The following VRK3 variants were observed in gnomAD, a reference collection of about 807,000 sequenced individuals.
VRK3 encodes the protein serine/threonine-protein kinase VRK3.
A neutral mutation model predicts 60.4 loss-of-function variants in VRK3; 50 were observed. The observed-to-expected ratio is 0.83, with a 90% CI of 0.66 to 1.05. The LOEUF is 1.05. Among genes scored for constraint, VRK3 ranks in the 50% least tolerant of loss-of-function variants. The pLI is 0.00. For missense variants in VRK3, 549 were observed against 585.3 expected, an observed-to-expected ratio of 0.94 and a Z score of 0.64; for synonymous variants, 246 against 227.8, an observed-to-expected ratio of 1.08 and a Z score of -0.72.
intron 12 of VRK3, chr19:49,988,135 G>A (rs939532389): frequency 1.2e-5 from 5 of 413,958 alleles, no homozygotes; most frequent in Admixed American, 7.4e-5. Context: ...GAGGCTCGCA[G>A]ACGTTAACAC....
chr19:49,986,109 G>A (rs900006883), intron 12 of VRK3, among the ~76,000 whole-genome samples: 1 of 152,226 alleles, frequency 6.6e-6, no homozygotes, highest in African/African-American at 2.4e-5. Context: ...CTTCTCTGAA[G>A]GAGGATGAAA....
At chr19:50,001,858 G>A (rs1270572505) in intron 5 of VRK3, among the ~76,000 whole-genome samples, 3 of 152,100 alleles carry the variant, frequency 2.0e-5, no homozygotes, top group South Asian at 2.1e-4. Flanking sequence ...GGCCTACCCC[G>A]AGACTGGCTG....
At position 50,007,602 on chromosome 19, in the gene VRK3, G is replaced by A. The variant is rs757482549; in HGVS notation, c.514C>T (p.Gln172Ter). 17 of 1,614,118 alleles carry A rather than the reference G, an allele frequency of 1.1e-5. No individual in the cohort carries two copies. In the Admixed American group the frequency reaches 2.2e-4, roughly 21 times the overall value. Residue 172 changes from glutamine to a stop codon, truncating the protein, a stop_gained, in exon 5 of 15, where the codon CAG becomes TAG. Coordinates refer to ENST00000316763, the MANE Select transcript of VRK3 (RefSeq NM_016440.4). LOFTEE classifies it high-confidence loss of function. ...AGAATGCCCTGGTTGTCCCTGGTCT[G>A]GAAGGACTTCAGCTTCCACTGTCGC... ...SGRQWKLKSFQTRDNQGILYE... is the reference protein window; with the variant it reads ...SGRQWKLKSF
intron 1 of VRK3, among the ~76,000 whole-genome samples, chr19:50,024,059 T>C (rs531784042): frequency 7.6e-4 from 116 of 152,280 alleles, no homozygotes; most frequent in African/African-American, 2.7e-3. Flanking sequence ...TGCCTCAACC[T>C]CCCGAGTAGC....
chr19:49,977,544 C>A (rs1402418614), intron 14 of VRK3, among the ~76,000 whole-genome samples: 2 of 152,130 alleles, frequency 1.3e-5, no homozygotes, highest in African/African-American at 2.4e-5. Context: ...CAGGATGAAG[C>A]CTCTGCCCTG....
chr19:49,995,056 A>C (rs2076677895), intron 8 of VRK3, 135 bp downstream of exon 8: 1 of 1,267,124 alleles, frequency 7.9e-7, no homozygotes, highest in African/African-American at 1.5e-5. Context: ...GCTGGGCAGC[A>C]AACTAGGTCA....
At chr19:49,981,718 T>C (rs2076425336) in intron 12 of VRK3, 1 of 1,001,280 alleles carries the variant, frequency 1.0e-6, no homozygotes, top group Non-Finnish European at 1.2e-6. Flanking sequence ...AAATAAAGAT[T>C]TTATTACTTA....
At chr19:49,980,118 A>T (rs1277179056) in intron 13 of VRK3, among the ~76,000 whole-genome samples, 2 of 152,198 alleles carry the variant, frequency 1.3e-5, no homozygotes, top group Non-Finnish European at 2.9e-5. Flanking sequence ...AGCCAGAGGG[A>T]ACAAGCTATC....
Position 50,000,874 on chromosome 19 carries a change from G to A in VRK3, c.548-20C>T, listed in dbSNP as rs1367276529. 4.3e-6 allele frequency: 7 copies of A among 1,612,242 alleles called. No individual in the cohort carries two copies. Among genetic ancestry groups the A allele is most frequent in the East Asian group, 2.2e-5 (1 of 44,828 alleles). ...GTGCAGCTGTGGGGGAACAAACAAGGGAGTGAGGTTATAACCACGCGGAAG... is the reference window on the plus strand; with the variant it reads ...GTGCAGCTGTGGGGGAACAAACAAGAGAGTGAGGTTATAACCACGCGGAAG... On this transcript the variant is annotated intron_variant, in intron 5 of 14. Transcript: ENST00000316763.
At chr19:49,995,772 G>A (rs2076691604) in intron 7 of VRK3, among the ~76,000 whole-genome samples, 1 of 151,880 alleles carries the variant, frequency 6.6e-6, no homozygotes, top group South Asian at 2.1e-4. Context: ...TTTTTGAGAC[G>A]AAGTTTTGCT....
chr19:50,014,324 C>T (rs1352074637), intron 3 of VRK3, among the ~76,000 whole-genome samples: 1 of 151,008 alleles, frequency 6.6e-6, no homozygotes, highest in African/African-American at 2.4e-5. Context: ...TTTGGGAGGC[C>T]GAGGCGGGTG....
chr19:50,016,081 C>T lies in VRK3; in HGVS notation c.82G>A (p.Val28Ile), dbSNP rs2304114. Reference protein sequence around the residue: ...FCPYCGNSLPVEEHVGSQTFV... With the variant: ...FCPYCGNSLPIEEHVGSQTFV... ...GTCTGGGACCCTACATGCTCCTCTA[C>T]AGGCAAAGAATTTCCACAGTAGGGG... is the stretch of plus-strand genomic sequence containing the variant. The change falls in exon 3 of 15, where the codon GTA becomes ATA. Residue 28 changes from valine to isoleucine, a missense_variant. Val to Ile is a conservative substitution (Grantham distance 29). Coordinates refer to ENST00000316763, the MANE Select transcript of VRK3 (RefSeq NM_016440.4). 15 of 1,614,108 alleles carry T rather than the reference C, an allele frequency of 9.3e-6. No homozygotes were observed. The East Asian group carries it at 1.8e-4, about 19-fold the overall frequency.
chr19:50,022,371 T>C (rs545295252), intron 1 of VRK3, among the ~76,000 whole-genome samples: 7 of 152,356 alleles, frequency 4.6e-5, no homozygotes, highest in African/African-American at 7.2e-5. Context: ...CTTGTGCTAC[T>C]GCAGCAGCCT....
chr19:50,006,058 G>T (rs973764627), intron 5 of VRK3, among the ~76,000 whole-genome samples: 2 of 148,336 alleles, frequency 1.3e-5, no homozygotes, highest in Admixed American at 6.6e-5. Context: ...GGCTGAGGTA[G>T]GTGGATCACT....
rs752273959 is a variant in VRK3 at position 50,016,152 on chromosome 19, A to G, written c.11T>C (p.Phe4Ser). ...GATACTTTTGCCACAGTCTGGACAG[A>G]AGGAGATCATGCTACAAAACAGAAT... MIS[F>S]CPDCGKSIQA... The change falls in exon 3 of 15, where the codon TTC becomes TCC. Residue 4 changes from phenylalanine to serine, a missense_variant. Coordinates refer to ENST00000316763, the MANE Select transcript of VRK3 (RefSeq NM_016440.4). 1 of 1,614,144 alleles carries G rather than the reference A, an allele frequency of 6.2e-7. No individual in the cohort carries two copies. Among genetic ancestry groups the G allele is most frequent in the Admixed American group, 1.7e-5 (1 of 60,016 alleles).
chr19:49,997,554 C>T lies in VRK3; in HGVS notation c.629G>A (p.Arg210His), dbSNP rs769410466. 1.4e-5 allele frequency: 22 copies of T among 1,613,720 alleles called. No individual in the cohort carries two copies. Among genetic ancestry groups the T allele is most frequent in the East Asian group, 2.2e-5 (1 of 44,866 alleles). The part of the protein sequence containing the change: ...FSLKLDAKDG[R>H]LFNEQNFFQR... ...GAAGAAGTTCTGCTCATTGAACAAGCGCCCATCCTTGGCATCCTGGTGGGG... is the reference window on the plus strand; with the variant it reads ...GAAGAAGTTCTGCTCATTGAACAAGTGCCCATCCTTGGCATCCTGGTGGGG... Residue 210 changes from arginine to histidine, a missense_variant, in exon 7 of 15, where the codon CGC becomes CAC. By Grantham distance (29) the Arg-to-His change is conservative. Transcript: ENST00000316763.
rs1205544930 is a variant in VRK3 at position 50,009,397 on chromosome 19, C to G, written c.140-12G>C. On this transcript the variant is annotated splice_polypyrimidine_tract_variant and intron_variant, in intron 3 of 14. Coordinates refer to ENST00000316763, the MANE Select transcript of VRK3 (RefSeq NM_016440.4). Reference sequence around the variant, plus strand: ...CCCTCTCTTTGAGCCTAAAGAAAGGCAGACAAAATGCAGACTGGAGTTACA... The same window carrying G: ...CCCTCTCTTTGAGCCTAAAGAAAGGGAGACAAAATGCAGACTGGAGTTACA... The G allele has an allele frequency of 6.2e-7, 1 of 1,612,506 alleles. No individual in the cohort carries two copies. Among genetic ancestry groups the G allele is most frequent in the Non-Finnish European group, 8.5e-7 (1 of 1,179,484 alleles).
At chr19:50,014,531 T>C (rs2077043552) in intron 3 of VRK3, among the ~76,000 whole-genome samples, 1 of 149,372 alleles carries the variant, frequency 6.7e-6, no homozygotes, top group African/African-American at 2.5e-5. Context: ...GAGCCAAGAT[T>C]GCGCCACTGC....
At chr19:49,994,754 T>TA in intron 9 of VRK3, 60 bp downstream of exon 9, 1 of 1,488,798 alleles carries the variant, frequency 6.7e-7, no homozygotes, top group South Asian at 1.2e-5. Flanking sequence ...AAGTGCCTGC[T>TA]AAACTAGGAT....
Sources: allele counts gnomAD v4.1 joint callset (sites outside exome capture counted in the v4.1 genomes callset), GRCh38; gene constraint gnomAD v4.1.1; transcripts MANE v1.5; gene names NCBI Gene and HGNC (gene_info 2026-07-23, HGNC 2026-07-21).